Variants in C16orf78 observed in about 807,000 individuals in gnomAD.
The protein encoded by C16orf78 is chromosome 16 open reading frame 78, also known as uncharacterized protein C16orf78.
C16orf78 carries 19 observed loss-of-function variants against 27.3 expected under a neutral mutation model. The ratio of observed to expected loss-of-function variants is 0.70; its 90% CI spans 0.49 to 1.02. The LOEUF is 1.02. Among genes scored for constraint, C16orf78 ranks in the 50% least tolerant of loss-of-function variants. The probability of loss-of-function intolerance (pLI) is 0.00; values close to 1 mark genes in which losing one functional copy is unlikely to be tolerated. For synonymous variants in C16orf78, 130 were observed against 116.1 expected (o/e 1.12, Z -0.77); for missense variants, 339 against 337.0 (o/e 1.01, Z -0.05).
chr16:49,390,021 G>A (rs1965394368), intron 3 of C16orf78, among the ~76,000 whole-genome samples: 1 of 152,122 alleles, frequency 6.6e-6, no homozygotes, highest in Admixed American at 6.5e-5. Flanking sequence ...AGACAGTTTT[G>A]CTGAGTGTAG....
intron 4 of C16orf78, among the ~76,000 whole-genome samples, chr16:49,398,801 T>C (rs1965506227): frequency 1.3e-5 from 2 of 152,340 alleles, no homozygotes; most frequent in Non-Finnish European, 1.5e-5. Flanking sequence ...AAAATGAACA[T>C]CTTTTATTTA....
chr16:49,394,151 C>T (rs1965444910), intron 3 of C16orf78, among the ~76,000 whole-genome samples: 4 of 152,006 alleles, frequency 2.6e-5, no homozygotes, highest in South Asian at 4.1e-4. Flanking sequence ...GCAAATAATT[C>T]TAATGTTACT....
chr16:49,391,781 C>A (rs1192945153), intron 3 of C16orf78, among the ~76,000 whole-genome samples: 1 of 152,202 alleles, frequency 6.6e-6, no homozygotes, highest in African/African-American at 2.4e-5. Flanking sequence ...ACCCACCTTG[C>A]ATGGAAGAGG....
intron 3 of C16orf78, among the ~76,000 whole-genome samples, chr16:49,395,871 G>A (rs942054821): frequency 6.6e-6 from 1 of 152,092 alleles, no homozygotes; most frequent in South Asian, 2.1e-4. Context: ...AAGCAGAAAG[G>A]GGGAAGGAGG....
At chr16:49,394,138 A>G (rs918535940) in intron 3 of C16orf78, among the ~76,000 whole-genome samples, 5 of 152,180 alleles carry the variant, frequency 3.3e-5, no homozygotes, top group Non-Finnish European at 7.4e-5. Flanking sequence ...TAACATTTAA[A>G]GAGCAAATAA....
chr16:49,399,155 C>G lies in C16orf78; in HGVS notation c.675C>G (p.Asn225Lys). The G allele has an allele frequency of 6.2e-7, 1 of 1,614,118 alleles. No individual in the cohort carries two copies. The highest frequency in any genetic ancestry group is 1.1e-5 in the South Asian group (1 of 91,066). Residue 225 changes from asparagine to lysine, a missense_variant, in exon 5 of 5, where the codon AAC (asparagine) becomes AAG (lysine). By Grantham distance (94) the Asn-to-Lys change is moderately conservative. Transcript: ENST00000299191. The stretch of plus-strand genomic sequence containing the variant: ...GATACCTGAGGTTATCCAAGGAGAA[C>G]ATTCGGACCTTGCTCAAGTTGTGCA... ...SCRYLRLSKE[N>K]IRTLLKLCKD... is the part of the protein sequence containing the mutation.
intron 3 of C16orf78, among the ~76,000 whole-genome samples, chr16:49,395,778 A>C (rs1167060579): frequency 6.6e-6 from 1 of 152,208 alleles, no homozygotes; most frequent in African/African-American, 2.4e-5. Context: ...GGATATCAGA[A>C]GATATCCTCT....
Position 49,378,543 on chromosome 16 carries a change from AC to A in C16orf78, c.346del (p.Leu116SerfsTer42). The A allele has an allele frequency of 6.2e-7, 1 of 1,613,502 alleles. No individual in the cohort carries two copies. Among genetic ancestry groups the A allele is most frequent in the Non-Finnish European group, 8.5e-7 (1 of 1,179,790 alleles). ...SLYGVEQKGK[H>X]LSMVPGSYIK... ...TATGGAGTGGAGCAAAAGGGGAAACACCTCAGCATGGTCCCTGGCAGCTACA... is the reference window on the plus strand; with the variant it reads ...TATGGAGTGGAGCAAAAGGGGAAACACTCAGCATGGTCCCTGGCAGCTACA... On this transcript the variant is annotated frameshift_variant, in exon 3 of 5. Transcript: ENST00000299191. LOFTEE classifies it high-confidence loss of function.
chr16:49,383,415 T>G (rs1965311340), intron 3 of C16orf78, among the ~76,000 whole-genome samples: 1 of 152,238 alleles, frequency 6.6e-6, no homozygotes, highest in Non-Finnish European at 1.5e-5. Flanking sequence ...ACATCCCGAT[T>G]GCATTACATT....
rs146502903 is a variant in C16orf78, at chr16:49,389,751, C to T, written c.395-6672C>T. Among the ~76,000 whole-genome samples, 435 of 152,212 alleles carry T rather than the reference C, an allele frequency of 2.9e-3. 3 individuals are homozygous for T. Among genetic ancestry groups the T allele is most frequent in the African/African-American group, 9.9e-3 (413 of 41,526 alleles). On this transcript the variant is annotated intron_variant, in intron 3 of 4. Transcript: ENST00000299191. ...CCTTCTACATGCTGTTGTTGCCACA[C>T]ATTATATTTTTCCATATTATAAACC...
chr16:49,398,755 G>T (rs894989623), intron 4 of C16orf78, among the ~76,000 whole-genome samples: 4 of 152,074 alleles, frequency 2.6e-5, no homozygotes, highest in African/African-American at 9.7e-5. Context: ...ATTCTCTGTT[G>T]GTGGATTTAC....
At chr16:49,375,157 A>C (rs1965198468) in intron 1 of C16orf78, among the ~76,000 whole-genome samples, 1 of 152,198 alleles carries the variant, frequency 6.6e-6, no homozygotes, top group South Asian at 2.1e-4. Flanking sequence ...AATAAAGGGC[A>C]GAGCCAGGGC....
chr16:49,392,533 TAA>T (rs1262497277), intron 3 of C16orf78, among the ~76,000 whole-genome samples: 1 of 151,956 alleles, frequency 6.6e-6, no homozygotes, highest in Non-Finnish European at 1.5e-5. Flanking sequence ...ACACATAGAG[TAA>T]AAGAGGGATC....
chr16:49,388,142 T>A (rs1965371713), intron 3 of C16orf78, among the ~76,000 whole-genome samples: 1 of 152,056 alleles, frequency 6.6e-6, no homozygotes, highest in Non-Finnish European at 1.5e-5. Flanking sequence ...AAATTTTTTT[T>A]TAAAAACCCA....
chr16:49,387,284 C>A (rs902675848), intron 3 of C16orf78, among the ~76,000 whole-genome samples: 6 of 151,984 alleles, frequency 3.9e-5, no homozygotes, highest in Admixed American at 6.6e-5. Flanking sequence ...GTCCTTTGCC[C>A]ACTTTTGTTG....
chr16:49,374,201 G>A, intron 1 of C16orf78, 112 bp downstream of exon 1: 1 of 1,313,358 alleles, frequency 7.6e-7, no homozygotes, highest in Non-Finnish European at 1.0e-6. Flanking sequence ...GTTTTGAAGT[G>A]CTGGGATAAG....
intron 3 of C16orf78, among the ~76,000 whole-genome samples, chr16:49,393,630 T>C (rs1965439511): frequency 6.6e-6 from 1 of 152,050 alleles, no homozygotes; most frequent in Non-Finnish European, 1.5e-5. Flanking sequence ...AAACTAAAAG[T>C]AATAATTCTT....
Position 49,373,890 on chromosome 16 carries a change from G to A in C16orf78, c.-50G>A, listed in dbSNP as rs369280680. 2.5e-6 allele frequency: 4 copies of A among 1,607,070 alleles called. No individual in the cohort carries two copies. The African/African-American group carries it at 5.3e-5, about 21-fold the overall frequency. On this transcript the variant is annotated 5_prime_UTR_variant, in exon 1 of 5. It adds an upstream start codon to the 5' untranslated region. Transcript: ENST00000299191. ...AAGTCCAGACAAAGGGATCGAAAGA[G>A]TGAGACAGTGCCAGCCACCTCCCAC...
Position 49,399,347 on chromosome 16 carries a change from C to T in C16orf78, c.*69C>T, listed in dbSNP as rs1596936548. On this transcript the variant is annotated 3_prime_UTR_variant, in exon 5 of 5. Coordinates refer to ENST00000299191, the MANE Select transcript of C16orf78 (RefSeq NM_144602.4). The stretch of plus-strand genomic sequence containing the variant: ...ACCCTTCACCTCCAGATGCCATCCT[C>T]TGGCACACTACAAGTGGTCCTTCCA... The T allele has an allele frequency of 3.2e-6, 5 of 1,564,316 alleles. No individual in the cohort carries two copies. Among genetic ancestry groups the T allele is most frequent in the Non-Finnish European group, 4.4e-6 (5 of 1,144,232 alleles).
Sources: gnomAD v4.1 joint callset for allele counts (sites outside exome capture counted in the v4.1 genomes callset) on GRCh38, gnomAD v4.1.1 for gene constraint, MANE v1.5 for transcripts, NCBI Gene and HGNC (gene_info 2026-07-23, HGNC 2026-07-21) for gene names.